Variants in CFAP54 observed in about 807,000 individuals in gnomAD.
CFAP54 encodes cilia and flagella associated protein 54.
In CFAP54, 290 loss-of-function variants were observed where a neutral mutation model predicts 370.4. The observed-to-expected ratio is 0.78, with a 90% CI of 0.71 to 0.86. The LOEUF is 0.86. Among genes scored for constraint, CFAP54 ranks in the 40% least tolerant of loss-of-function variants. The pLI, the probability that CFAP54 is intolerant of heterozygous loss-of-function variation, is 0.00. For synonymous variants in CFAP54, 1,206 were observed against 1,236.5 expected (o/e 0.98, Z 0.52); for missense variants, 3,399 against 3,528.7 (o/e 0.96, Z 0.93).
At chr12:96,604,262 C>T (rs1472192650) in intron 26 of CFAP54, among the ~76,000 whole-genome samples, 2 of 152,198 alleles carry the variant, frequency 1.3e-5, no homozygotes, top group Non-Finnish European at 2.9e-5. Context: ...ACCCTGTTTG[C>T]CTGGGCATCA....
chr12:96,691,693 TAA>T lies in CFAP54; in HGVS notation c.6264+384_6264+385del, dbSNP rs1431534928. Among the ~76,000 whole-genome samples the T allele has an allele frequency of 9.2e-5, 14 of 152,290 alleles. No homozygotes were observed. The East Asian group carries it at 2.7e-3, about 29-fold the overall frequency. ...CTGTGAGAGTGTTTCTTTATTGAGA[TAA>T]GTTTATCTTTATGTCTCTTGTCTTT... is the stretch of plus-strand genomic sequence containing the variant. On this transcript the variant is annotated intron_variant, in intron 44 of 67. Transcript: ENST00000524981.
intron 63 of CFAP54, among the ~76,000 whole-genome samples, chr12:96,805,583 A>AC (rs950721213): frequency 4.6e-5 from 7 of 151,760 alleles, no homozygotes; most frequent in Non-Finnish European, 1.0e-4. Context: ...AAAAAAAAAA[A>AC]AACCAGATAT....
At chr12:96,755,666 C>CTTT (rs71758359) in intron 56 of CFAP54, among the ~76,000 whole-genome samples, 2 of 88,038 alleles carry the variant, frequency 2.3e-5, no homozygotes, top group African/African-American at 4.5e-5. Context: ...TTCTTTTTTC[C>CTTT]TTTTTTTTTT....
rs538936839 is a variant in CFAP54 at position 96,519,121 on chromosome 12, T to G, written c.942+50T>G. 2.7e-6 allele frequency: 4 copies of G among 1,469,992 alleles called. No individual in the cohort carries two copies. The South Asian group carries it at 5.1e-5, about 19-fold the overall frequency. The allele number at this position is 1,469,992 out of a possible 1,614,324, so 91.1% of individuals were successfully genotyped here. ...AGTCGAGTTTTTTTTTTTTTTGAGATGGAATCTGGCTTTGTTGCCCAGGCT... is the reference window on the plus strand; with the variant it reads ...AGTCGAGTTTTTTTTTTTTTTGAGAGGGAATCTGGCTTTGTTGCCCAGGCT... On this transcript the variant is annotated intron_variant, in intron 6 of 67. Coordinates refer to ENST00000524981, the MANE Select transcript of CFAP54 (RefSeq NM_001306084.2).
chr12:96,694,924 C>T (rs550159871), intron 45 of CFAP54, among the ~76,000 whole-genome samples: 5 of 151,866 alleles, frequency 3.3e-5, no homozygotes, highest in East Asian at 1.9e-4. Flanking sequence ...TGGAGGCTGA[C>T]GCAGGAGAAT....
At chr12:96,850,346 A>AT (rs933211884) in intron 66 of CFAP54, among the ~76,000 whole-genome samples, 1 of 151,808 alleles carries the variant, frequency 6.6e-6, no homozygotes, top group African/African-American at 2.4e-5. Flanking sequence ...TCTTAAAAAA[A>AT]AAAAATAGCA....
intron 67 of CFAP54, among the ~76,000 whole-genome samples, chr12:96,867,612 C>T (rs1266199488): frequency 2.0e-5 from 3 of 152,228 alleles, no homozygotes; most frequent in East Asian, 1.9e-4. Flanking sequence ...TTTGCCACAG[C>T]GTGGATGAAC....
In CFAP54 at chr12:96,652,339, A is replaced by G. The variant is rs905487533; in HGVS notation, c.5100+524A>G. Among the ~76,000 whole-genome samples the G allele has an allele frequency of 7.2e-5, 11 of 152,254 alleles. 1 individual carries two copies. The highest frequency in any genetic ancestry group is 7.2e-4 in the Admixed American group (11 of 15,282). ...AGTAAACACATACACATGTTGTGCCATGAGGCTTATAACATTTCTAGAGGA... is the reference window on the plus strand; with the variant it reads ...AGTAAACACATACACATGTTGTGCCGTGAGGCTTATAACATTTCTAGAGGA... On this transcript the variant is annotated intron_variant, in intron 36 of 67. Transcript: ENST00000524981.
At chr12:96,822,643 T>C (rs1959046082) in intron 65 of CFAP54, among the ~76,000 whole-genome samples, 1 of 152,162 alleles carries the variant, frequency 6.6e-6, no homozygotes, top group Non-Finnish European at 1.5e-5. Context: ...AGCCACCCAG[T>C]AGCTCTGTCG....
At chr12:96,668,838 A>G (rs1345533) in intron 39 of CFAP54, among the ~76,000 whole-genome samples, 135,025 of 152,282 alleles carry the variant, frequency 0.89, 60,121 homozygotes, top group East Asian at 0.96. Context: ...TTATTCATCT[A>G]TTCATTTTAT....
chr12:96,874,314 C>G (rs560003222), intron 67 of CFAP54, among the ~76,000 whole-genome samples: 7 of 152,182 alleles, frequency 4.6e-5, no homozygotes, highest in African/African-American at 1.7e-4. Flanking sequence ...TGTCAAAAGA[C>G]AAAATTCCAA....
intron 66 of CFAP54, among the ~76,000 whole-genome samples, chr12:96,857,856 A>G (rs983485270): frequency 1.3e-5 from 2 of 152,078 alleles, no homozygotes; most frequent in Non-Finnish European, 2.9e-5. Context: ...AGTCAATTAA[A>G]CCTCTTTTCT....
chr12:96,856,830 C>A (rs574978044), intron 66 of CFAP54, among the ~76,000 whole-genome samples: 32 of 152,312 alleles, frequency 2.1e-4, no homozygotes, highest in African/African-American at 6.5e-4. Context: ...TCCACATTTT[C>A]AGGTATCTTT....
intron 60 of CFAP54, among the ~76,000 whole-genome samples, chr12:96,774,066 G>C (rs755404556): frequency 5.3e-5 from 8 of 151,996 alleles, no homozygotes; most frequent in Non-Finnish European, 1.2e-4. Flanking sequence ...AGAAAAAAAG[G>C]TTCAAATTTA....
At chr12:96,722,390 AT>A (rs1368271905) in intron 50 of CFAP54, among the ~76,000 whole-genome samples, 1 of 152,182 alleles carries the variant, frequency 6.6e-6, no homozygotes, top group Non-Finnish European at 1.5e-5. Context: ...ATCCATGCAA[AT>A]ATCTATAGAC....
chr12:96,562,571 C>T (rs1305277282), intron 17 of CFAP54, among the ~76,000 whole-genome samples: 1 of 151,738 alleles, frequency 6.6e-6, no homozygotes, highest in Admixed American at 6.6e-5. Context: ...GGACTACAGG[C>T]ATGTGCCACC....
At chr12:96,862,297 G>A (rs928601684) in intron 67 of CFAP54, among the ~76,000 whole-genome samples, 2 of 152,126 alleles carry the variant, frequency 1.3e-5, no homozygotes, top group African/African-American at 4.8e-5. Context: ...CACACTGAAG[G>A]AGAACAGAGG....
chr12:96,599,152 T>TTC (rs1956212447), intron 26 of CFAP54, among the ~76,000 whole-genome samples: 1 of 146,684 alleles, frequency 6.8e-6, no homozygotes, highest in Non-Finnish European at 1.5e-5. Flanking sequence ...ATACTATCCC[T>TTC]CCCCCAGCCC....
intron 63 of CFAP54, among the ~76,000 whole-genome samples, chr12:96,805,585 A>T (rs932368601): frequency 6.6e-6 from 1 of 151,112 alleles, no homozygotes; most frequent in East Asian, 1.9e-4. Context: ...AAAAAAAAAA[A>T]CCAGATATTG....
Sources: gnomAD v4.1 joint callset for allele counts (sites outside exome capture counted in the v4.1 genomes callset) on GRCh38, gnomAD v4.1.1 for gene constraint, MANE v1.5 for transcripts, NCBI Gene and HGNC (gene_info 2026-07-23, HGNC 2026-07-21) for gene names.